The following PARD3 variants were observed in gnomAD, a reference collection of about 807,000 sequenced individuals.
PARD3 encodes par-3 family cell polarity regulator.
A neutral mutation model predicts 155.4 loss-of-function variants in PARD3; 75 were observed. The ratio of observed to expected loss-of-function variants is 0.48; its 90% CI spans 0.40 to 0.58. The LOEUF (loss-of-function observed/expected upper bound fraction) is 0.58, where lower values mean the gene tolerates loss of function less well. Ranked by LOEUF, PARD3 falls within the 20% of genes least tolerant of loss-of-function variation. The pLI is 0.00. For synonymous variants in PARD3, 576 were observed against 610.5 expected (o/e 0.94, Z 0.83); for missense variants, 1,642 against 1,721.7 (o/e 0.95, Z 0.82).
chr10:34,148,494 CATTTT>C (rs1948627324), intron 22 of PARD3, among the ~76,000 whole-genome samples: 1 of 152,040 alleles, frequency 6.6e-6, no homozygotes, highest in Non-Finnish European at 1.5e-5. Flanking sequence ...ACTGACATTT[CATTTT>C]GTCACCACAA....
At chr10:34,692,570 C>T (rs2094086306) in intron 2 of PARD3, among the ~76,000 whole-genome samples, 1 of 152,148 alleles carries the variant, frequency 6.6e-6, no homozygotes, top group Non-Finnish European at 1.5e-5. Flanking sequence ...CATAAAACAA[C>T]CCCATTAAAA....
intron 22 of PARD3, among the ~76,000 whole-genome samples, chr10:34,146,747 A>G (rs1948527727): frequency 6.6e-6 from 1 of 152,172 alleles, no homozygotes; most frequent in African/African-American, 2.4e-5. Flanking sequence ...CTGATCTCTC[A>G]GGAGTATCCC....
At chr10:34,371,011 C>T (rs748365884) in intron 12 of PARD3, among the ~76,000 whole-genome samples, 1 of 152,244 alleles carries the variant, frequency 6.6e-6, no homozygotes, top group East Asian at 1.9e-4. Context: ...CACACATGCA[C>T]ATACCTATGC....
intron 2 of PARD3, among the ~76,000 whole-genome samples, chr10:34,686,416 T>G (rs1412784692): frequency 6.9e-6 from 1 of 144,420 alleles, no homozygotes; most frequent in Non-Finnish European, 1.5e-5. Flanking sequence ...AACTTCAGTA[T>G]GTATTAATAA....
chr10:34,265,813 G>A (rs771524244), intron 22 of PARD3, among the ~76,000 whole-genome samples: 3 of 152,166 alleles, frequency 2.0e-5, no homozygotes, highest in Admixed American at 6.5e-5. Context: ...CAACAGAAGC[G>A]GGCTGAACTT....
intron 2 of PARD3, among the ~76,000 whole-genome samples, chr10:34,524,589 T>C (rs763147583): frequency 3.9e-5 from 6 of 152,232 alleles, no homozygotes; most frequent in Non-Finnish European, 8.8e-5. Flanking sequence ...CAAATTCGTA[T>C]AGCCATCAGC....
At chr10:34,449,171 C>G (rs1408772919) in intron 5 of PARD3, among the ~76,000 whole-genome samples, 3 of 151,890 alleles carry the variant, frequency 2.0e-5, no homozygotes, top group Non-Finnish European at 4.4e-5. Context: ...CCCACCTCAG[C>G]CTCCCAAAGT....
chr10:34,257,148 A>C (rs571006711), intron 22 of PARD3, among the ~76,000 whole-genome samples: 22 of 152,338 alleles, frequency 1.4e-4, no homozygotes, highest in African/African-American at 5.3e-4. Flanking sequence ...ACCCAAGGAA[A>C]AGCTCTAGAA....
intron 2 of PARD3, among the ~76,000 whole-genome samples, chr10:34,541,031 A>C (rs1428504780): frequency 6.6e-6 from 1 of 152,230 alleles, no homozygotes; most frequent in Admixed American, 6.5e-5. Flanking sequence ...ATTTTAAAGC[A>C]AAAACAAAAA....
At chr10:34,132,897 G>A (rs548512652) in intron 22 of PARD3, among the ~76,000 whole-genome samples, 2 of 152,212 alleles carry the variant, frequency 1.3e-5, no homozygotes, top group Non-Finnish European at 2.9e-5. Context: ...AGAATGGTGC[G>A]GCAGAGAAGG....
chr10:34,638,350 G>C (rs1360160425), intron 2 of PARD3, among the ~76,000 whole-genome samples: 1 of 152,074 alleles, frequency 6.6e-6, no homozygotes, highest in East Asian at 1.9e-4. Context: ...TCAAGGAGGA[G>C]AGGCAAAGTA....
rs77338354 is a variant in PARD3 at position 34,585,620 on chromosome 10, T to C, written c.223-68461A>G. On this transcript the variant is annotated intron_variant, in intron 2 of 24. Coordinates refer to ENST00000374788, the MANE Select transcript of PARD3 (RefSeq NM_001184785.2). ...TGTGCACAGAAAGTGAAAATTGTGG[T>C]GTGCGGGTGTCATTTCAGAGGTTAC... Among the ~76,000 whole-genome samples, 362 of 151,630 alleles carry C rather than the reference T, an allele frequency of 2.4e-3. 3 individuals carry two copies. Among genetic ancestry groups the C allele is most frequent in the African/African-American group, 8.2e-3 (339 of 41,346 alleles).
At chr10:34,203,682 T>G (rs546908151) in intron 22 of PARD3, among the ~76,000 whole-genome samples, 11 of 152,202 alleles carry the variant, frequency 7.2e-5, no homozygotes, top group Non-Finnish European at 5.9e-5. Context: ...CAATCATTCA[T>G]TCATTTTTTC....
intron 12 of PARD3, among the ~76,000 whole-genome samples, chr10:34,369,515 C>A (rs1840366274): frequency 6.6e-6 from 1 of 151,992 alleles, no homozygotes; most frequent in Non-Finnish European, 1.5e-5. Context: ...CACACAATAA[C>A]TGATGAATAA....
chr10:34,804,779 CA>C (rs1460673753), intron 1 of PARD3, among the ~76,000 whole-genome samples: 1 of 151,972 alleles, frequency 6.6e-6, no homozygotes, highest in African/African-American at 2.4e-5. Context: ...AACTTTTTTC[CA>C]ATTTGTATTG....
intron 3 of PARD3, among the ~76,000 whole-genome samples, chr10:34,484,686 G>C (rs1274027143): frequency 2.6e-5 from 4 of 152,164 alleles, no homozygotes; most frequent in Non-Finnish European, 5.9e-5. Context: ...ATGTAGACAT[G>C]ATCCAGCACT....
At chr10:34,496,662 T>C (rs548034564) in intron 3 of PARD3, among the ~76,000 whole-genome samples, 1 of 152,236 alleles carries the variant, frequency 6.6e-6, no homozygotes, top group South Asian at 2.1e-4. Flanking sequence ...GCAAGCCCAA[T>C]TTCAACGAAG....
chr10:34,411,206 C>T (rs1322581098), intron 5 of PARD3, among the ~76,000 whole-genome samples: 2 of 152,110 alleles, frequency 1.3e-5, no homozygotes, highest in African/African-American at 4.8e-5. Flanking sequence ...ACCCCTTATT[C>T]CCCTTAATCT....
At chr10:34,181,008 C>T (rs1028609706) in intron 22 of PARD3, among the ~76,000 whole-genome samples, 1 of 152,168 alleles carries the variant, frequency 6.6e-6, no homozygotes, top group Non-Finnish European at 1.5e-5. Context: ...TTATGACTAG[C>T]TGTGTGTCCT....
Sources: allele counts gnomAD v4.1 joint callset (sites outside exome capture counted in the v4.1 genomes callset), GRCh38; gene constraint gnomAD v4.1.1; transcripts MANE v1.5; gene names NCBI Gene and HGNC (gene_info 2026-07-23, HGNC 2026-07-21).